ZBTB16: variants seen among roughly 807,000 people sequenced by gnomAD.
ZBTB16 encodes zinc finger and BTB domain-containing protein 16.
In ZBTB16, 8 loss-of-function variants were observed where a neutral mutation model predicts 56.8. That is an observed-to-expected ratio of 0.14 (90% CI 0.08 to 0.25). ZBTB16 has a LOEUF of 0.25. Ranked by LOEUF, ZBTB16 falls within the 10% of genes least tolerant of loss-of-function variation. ZBTB16 has a pLI of 1.00. For missense variants in ZBTB16, 625 were observed against 903.0 expected, an observed-to-expected ratio of 0.69 and a Z score of 3.95; for synonymous variants, 363 against 368.5, an observed-to-expected ratio of 0.98 and a Z score of 0.17.
chr11:114,187,058 T>G lies in ZBTB16; in HGVS notation c.1453+20T>G. 6.2e-7 allele frequency: 1 copy of G among 1,612,532 alleles called. No homozygotes were observed. Among genetic ancestry groups the G allele is most frequent in the Non-Finnish European group, 8.5e-7 (1 of 1,178,650 alleles). ...ATACTGGTGAGTTGACTTGGATTCC[T>G]GTTCTCCAGGTTTTCCACAGTGTTG... On this transcript the variant is annotated intron_variant, in intron 4 of 6. Coordinates refer to ENST00000335953, the MANE Select transcript of ZBTB16 (RefSeq NM_006006.6).
intron 4 of ZBTB16, among the ~76,000 whole-genome samples, chr11:114,233,069 G>GCA (rs1565699722): frequency 1.1e-4 from 3 of 26,374 alleles, no homozygotes; most frequent in African/African-American, 2.0e-4. Flanking sequence ...ATACGCATGC[G>GCA]CGCGCGCGCG....
At chr11:114,246,454 C>T (rs1038610673) in intron 5 of ZBTB16, among the ~76,000 whole-genome samples, 2 of 149,544 alleles carry the variant, frequency 1.3e-5, no homozygotes, top group African/African-American at 4.9e-5. Context: ...CCATGATCAT[C>T]TGATGCGATC....
intron 2 of ZBTB16, among the ~76,000 whole-genome samples, chr11:114,107,772 A>G (rs1295595356): frequency 6.6e-6 from 1 of 152,208 alleles, no homozygotes; most frequent in African/African-American, 2.4e-5. Flanking sequence ...ATAATTTTCA[A>G]AGAGAAACAA....
intron 4 of ZBTB16, among the ~76,000 whole-genome samples, chr11:114,233,079 G>GCACACA (rs781149248): frequency 1.3e-3 from 71 of 53,764 alleles, no homozygotes; most frequent in African/African-American, 4.0e-3. Context: ...GCGCGCGCGC[G>GCACACA]CGCACACACA....
rs1054294001 is a variant in ZBTB16, at chr11:114,254,554, G to A, written c.*3999G>A. ...GCAGCCTTTCGACTCTGTCCATGAC[G>A]GCTGGCAGGGTCAGGGTAGTTTCTG... On this transcript the variant is annotated 3_prime_UTR_variant, in exon 7 of 7. Coordinates refer to ENST00000335953, the MANE Select transcript of ZBTB16 (RefSeq NM_006006.6). Among the ~76,000 whole-genome samples the A allele has an allele frequency of 5.3e-5, 8 of 152,166 alleles. No individual in the cohort carries two copies. Among genetic ancestry groups the A allele is most frequent in the Admixed American group, 1.3e-4 (2 of 15,278 alleles).
intron 4 of ZBTB16, among the ~76,000 whole-genome samples, chr11:114,236,208 T>G (rs1338899178): frequency 6.6e-6 from 1 of 152,208 alleles, no homozygotes; most frequent in South Asian, 2.1e-4. Flanking sequence ...AAACAATACA[T>G]TTTTAGGATT....
intron 2 of ZBTB16, among the ~76,000 whole-genome samples, chr11:114,103,275 G>C (rs1940677957): frequency 1.3e-5 from 2 of 152,136 alleles, no homozygotes; most frequent in Admixed American, 1.3e-4. Context: ...CTGGAATTCA[G>C]AAGGTGGACC....
chr11:114,253,645 A>G lies in ZBTB16; in HGVS notation c.*3090A>G, dbSNP rs1482363068. ...CAGGGGAGTGTGGTTTCTGAGGGCT[A>G]CTGTCTGGGGACACCTCTGAACTTA... On this transcript the variant is annotated 3_prime_UTR_variant, in exon 7 of 7. Transcript: ENST00000335953. Among the ~76,000 whole-genome samples, 1 of 152,200 alleles carries G rather than the reference A, an allele frequency of 6.6e-6. No individual in the cohort carries two copies. Among genetic ancestry groups the G allele is most frequent in the Non-Finnish European group, 1.5e-5 (1 of 68,040 alleles).
chr11:114,228,080 G>T (rs394800), intron 4 of ZBTB16, among the ~76,000 whole-genome samples: 88,191 of 151,960 alleles, frequency 0.58, 26,332 homozygotes, highest in East Asian at 0.73. Context: ...GGCTCCCTGG[G>T]CAGTCTGGCG....
In ZBTB16 at chr11:114,099,224, T is replaced by C. The variant is rs150956288; in HGVS notation, c.1268+34656T>C. 8.5e-5 allele frequency among the ~76,000 whole-genome samples: 13 copies of C among 152,230 alleles called. No homozygotes were observed. In the East Asian group the frequency reaches 1.7e-3, roughly 20 times the overall value. ...GGAGAGAGAGGTGCTACAACAGATA[T>C]TGATTTTAGTTTTTCTAAGTATGGA... On this transcript the variant is annotated intron_variant, in intron 2 of 6. Transcript: ENST00000335953.
At chr11:114,224,162 A>C (rs1420098195) in intron 4 of ZBTB16, among the ~76,000 whole-genome samples, 1 of 152,218 alleles carries the variant, frequency 6.6e-6, no homozygotes, top group Non-Finnish European at 1.5e-5. Flanking sequence ...GTTTAAGCTG[A>C]AGGCAGGGAG....
At chr11:114,232,122 G>T (rs754874058) in intron 4 of ZBTB16, among the ~76,000 whole-genome samples, 1 of 152,130 alleles carries the variant, frequency 6.6e-6, no homozygotes, top group Non-Finnish European at 1.5e-5. Context: ...TCCCCCACCC[G>T]CTTTGGGGCT....
intron 4 of ZBTB16, among the ~76,000 whole-genome samples, chr11:114,220,357 A>G (rs1480723773): frequency 6.6e-6 from 1 of 152,136 alleles, no homozygotes; most frequent in East Asian, 1.9e-4. Context: ...GTGTGTGTGC[A>G]ATGCATGCAT....
chr11:114,062,394 C>T (rs1023061505), intron 1 of ZBTB16, among the ~76,000 whole-genome samples: 2 of 152,110 alleles, frequency 1.3e-5, no homozygotes, highest in Non-Finnish European at 2.9e-5. Flanking sequence ...TGAGCCACCG[C>T]GCCCTGCCCC....
rs141646947 is a variant in ZBTB16, at chr11:114,182,311, A to G, written c.1367-4641A>G. Among the ~76,000 whole-genome samples, 911 of 152,178 alleles carry G rather than the reference A, an allele frequency of 6.0e-3. 10 individuals carry two copies. The highest frequency in any genetic ancestry group is 0.021 in the African/African-American group (862 of 41,516). On this transcript the variant is annotated intron_variant, in intron 3 of 6. Transcript: ENST00000335953. ...GTGATCTACCCATCCCGGCCTCCCAAAGTGCTGGGATTACAGGCGTGAGCC... is the reference window on the plus strand; with the variant it reads ...GTGATCTACCCATCCCGGCCTCCCAGAGTGCTGGGATTACAGGCGTGAGCC...
chr11:114,163,818 T>C (rs1942665674), intron 3 of ZBTB16, among the ~76,000 whole-genome samples: 1 of 152,146 alleles, frequency 6.6e-6, no homozygotes, highest in Non-Finnish European at 1.5e-5. Context: ...AAATCCCCCA[T>C]CCCAATTTAT....
intron 4 of ZBTB16, among the ~76,000 whole-genome samples, chr11:114,202,027 C>G (rs1157031034): frequency 2.0e-5 from 3 of 152,238 alleles, no homozygotes; most frequent in African/African-American, 7.2e-5. Context: ...CTCAGCCACA[C>G]TGGCAGGTGC....
In ZBTB16 at chr11:114,060,804, C is replaced by T. The variant is rs572746991; in HGVS notation, c.-91+922C>T. Among the ~76,000 whole-genome samples the T allele has an allele frequency of 8.0e-4, 122 of 152,076 alleles. No individual in the cohort carries two copies. The highest frequency in any genetic ancestry group is 1.4e-3 in the Admixed American group (21 of 15,306). On this transcript the variant is annotated intron_variant, in intron 1 of 6. Transcript: ENST00000335953. The surrounding 1 kb of genome is among the most constrained non-coding windows in gnomAD (Gnocchi z 6.0). ...CCGTGCTTGGGCCGGGCGCGCTGGCCGCTGGCGCCGCTGGCCAGAGGCCTG... is the reference window on the plus strand; with the variant it reads ...CCGTGCTTGGGCCGGGCGCGCTGGCTGCTGGCGCCGCTGGCCAGAGGCCTG...
At position 114,148,467 on chromosome 11, in the gene ZBTB16, C is replaced by CTT. The variant is rs1389822476; in HGVS notation, c.1269-7869_1269-7868insTT. Among the ~76,000 whole-genome samples, 155 of 118,522 alleles carry CTT rather than the reference C, an allele frequency of 1.3e-3. 10 individuals carry two copies. Among genetic ancestry groups the CTT allele is most frequent in the Middle Eastern group, 4.0e-3 (1 of 252 alleles). The allele number at this position is 118,522 out of a possible 152,430, so 77.8% of individuals were successfully genotyped here. On this transcript the variant is annotated intron_variant, in intron 2 of 6. Transcript: ENST00000335953. Reference sequence around the variant, plus strand: ...TCTCTCTGTCTGTCTGTCTCTCTCTCTCTCTTTCTTTCTTTCTTTCTTTCT... The same window carrying CTT: ...TCTCTCTGTCTGTCTGTCTCTCTCTCTTTCTCTTTCTTTCTTTCTTTCTTTCT...
Sources: allele counts gnomAD v4.1 joint callset (sites outside exome capture counted in the v4.1 genomes callset), GRCh38; gene constraint gnomAD v4.1.1; non-coding constraint Gnocchi (gnomAD v3.1); transcripts MANE v1.5; gene names NCBI Gene and HGNC (gene_info 2026-07-23, HGNC 2026-07-21).